Variants in PCCA observed in about 807,000 individuals in gnomAD.
PCCA encodes propionyl-CoA carboxylase subunit alpha.
PCCA carries 74 observed loss-of-function variants against 101.3 expected under a neutral mutation model. The ratio of observed to expected loss-of-function variants is 0.73; its 90% confidence interval spans 0.61 to 0.89. The LOEUF is 0.89. PCCA is among the 40% of genes least tolerant of loss of function. The pLI, the probability that PCCA is intolerant of heterozygous loss-of-function variation, is 0.00. For missense variants in PCCA, 891 were observed against 907.0 expected (o/e 0.98, Z 0.23); for synonymous variants, 294 against 313.6 (o/e 0.94, Z 0.66).
At position 100,367,645 on chromosome 13, in the gene PCCA, G is replaced by GT. The variant is rs548639518; in HGVS notation, c.1644-814dup. On this transcript the variant is annotated intron_variant, in intron 18 of 23. Transcript: ENST00000376285. ...ATAAAATAAGTATAGTTTTTTTTTT[G>GT]TTTTTTTTTTTTTGCAAAAAATAAT... Among the ~76,000 whole-genome samples, 761 of 125,646 alleles carry GT rather than the reference G, an allele frequency of 6.1e-3. 1 individual carries two copies. The highest frequency in any genetic ancestry group is 0.011 in the African/African-American group (383 of 35,078). 82.4% of individuals were successfully genotyped at this position (125,646 alleles called of 152,430 possible). A position where few individuals can be genotyped will look rare whatever the true frequency, so the allele number is the denominator to read the frequency against.
intron 12 of PCCA, among the ~76,000 whole-genome samples, chr13:100,287,891 A>G (rs1260426386): frequency 6.6e-6 from 1 of 152,168 alleles, no homozygotes; most frequent in African/African-American, 2.4e-5. Context: ...GGATTAAATA[A>G]GGTTACCCTT....
intron 6 of PCCA, among the ~76,000 whole-genome samples, chr13:100,186,603 G>A (rs2057288820): frequency 6.6e-6 from 1 of 151,920 alleles, no homozygotes; most frequent in Non-Finnish European, 1.5e-5. Context: ...TGGTTCAGGT[G>A]TGGTGGCACG....
Position 100,112,361 on chromosome 13 carries a change from T to C in PCCA, c.300+300T>C, listed in dbSNP as rs73570922. Among the ~76,000 whole-genome samples the C allele has an allele frequency of 0.16, 23,610 of 152,154 alleles. 2,564 individuals are homozygous for C. Among genetic ancestry groups the C allele is most frequent in the African/African-American group, 0.31 (12,792 of 41,460 alleles). ...TTGAGTCAAAGATTAATGAAATGTTTACACAGTGCTCCCTTATGAGAGCAC... is the reference window on the plus strand; with the variant it reads ...TTGAGTCAAAGATTAATGAAATGTTCACACAGTGCTCCCTTATGAGAGCAC... On this transcript the variant is annotated intron_variant, in intron 4 of 23. Transcript: ENST00000376285.
At chr13:100,148,048 G>A (rs1033072878) in intron 4 of PCCA, among the ~76,000 whole-genome samples, 2 of 152,024 alleles carry the variant, frequency 1.3e-5, no homozygotes, top group Non-Finnish European at 1.5e-5. Flanking sequence ...CTCCTAAGCC[G>A]TGGGGACTAC....
intron 12 of PCCA, among the ~76,000 whole-genome samples, chr13:100,279,717 A>G (rs1440669640): frequency 3.9e-5 from 6 of 152,028 alleles, no homozygotes; most frequent in Non-Finnish European, 4.4e-5. Context: ...CTCATGATCC[A>G]CCTGCATCGA....
chr13:100,266,763 CCA>C (rs1211871734), intron 10 of PCCA, among the ~76,000 whole-genome samples: 169 of 152,302 alleles, frequency 1.1e-3, no homozygotes, highest in Non-Finnish European at 1.5e-3. Flanking sequence ...TATTTCTCAA[CCA>C]GGGCACTACT....
intron 7 of PCCA, among the ~76,000 whole-genome samples, chr13:100,220,531 A>G (rs2059763685): frequency 6.7e-6 from 1 of 149,908 alleles, no homozygotes; most frequent in Non-Finnish European, 1.5e-5. Context: ...TCGGCCTCCC[A>G]AAGTGTTGGG....
intron 21 of PCCA, among the ~76,000 whole-genome samples, chr13:100,510,694 C>A (rs550669784): frequency 8.1e-4 from 123 of 152,256 alleles, no homozygotes; most frequent in Admixed American, 1.0e-3. Context: ...CACAACTGGG[C>A]GCTGATATAA....
chr13:100,112,208 C>T (rs940624193), intron 4 of PCCA, 147 bp downstream of exon 4: 12 of 653,246 alleles, frequency 1.8e-5, no homozygotes, highest in Non-Finnish European at 3.0e-5. Flanking sequence ...TTAAGCAAAA[C>T]GACAGTATCA....
At chr13:100,225,887 T>C (rs2060120193) in intron 7 of PCCA, among the ~76,000 whole-genome samples, 3 of 151,952 alleles carry the variant, frequency 2.0e-5, no homozygotes, top group African/African-American at 7.3e-5. Flanking sequence ...CACCTTCCGG[T>C]TTCAAGTGAT....
intron 4 of PCCA, among the ~76,000 whole-genome samples, chr13:100,153,037 CTT>C (rs977070243): frequency 4.6e-5 from 7 of 151,986 alleles, no homozygotes; most frequent in Non-Finnish European, 8.8e-5. Context: ...ATTAAGAAGA[CTT>C]TATGTAGGTG....
chr13:100,430,201 G>C (rs997561880), intron 20 of PCCA, among the ~76,000 whole-genome samples: 5 of 152,084 alleles, frequency 3.3e-5, no homozygotes, highest in African/African-American at 4.8e-5. Context: ...CTTGAACCCG[G>C]GTTGTGGTGA....
At chr13:100,432,462 G>T (rs907492702) in intron 20 of PCCA, among the ~76,000 whole-genome samples, 11 of 152,162 alleles carry the variant, frequency 7.2e-5, no homozygotes, top group African/African-American at 2.7e-4. Flanking sequence ...TTAGAAAAAC[G>T]TGTTTGTGAA....
chr13:100,517,090 T>TGTGTGTGTGTGTGTGTG (rs2086891825), intron 22 of PCCA, among the ~76,000 whole-genome samples: 1 of 146,630 alleles, frequency 6.8e-6, no homozygotes, highest in Non-Finnish European at 1.5e-5. Flanking sequence ...TGTGTGTGTG[T>TGTGTGTGTGTGTGTGTG]TTCAAGTAAG....
At chr13:100,526,041 C>T (rs975926606) in intron 22 of PCCA, among the ~76,000 whole-genome samples, 3 of 152,344 alleles carry the variant, frequency 2.0e-5, no homozygotes, top group South Asian at 2.1e-4. Flanking sequence ...TAAGAGGACA[C>T]GGCCAGGCTT....
At chr13:100,190,635 A>G (rs1174581750) in intron 6 of PCCA, among the ~76,000 whole-genome samples, 1 of 152,004 alleles carries the variant, frequency 6.6e-6, no homozygotes, top group Non-Finnish European at 1.5e-5. Context: ...AGATTGTGCT[A>G]TTGCACTCCA....
At chr13:100,282,584 G>T (rs1406513365) in intron 12 of PCCA, among the ~76,000 whole-genome samples, 8 of 152,228 alleles carry the variant, frequency 5.3e-5, no homozygotes, top group African/African-American at 1.9e-4. Flanking sequence ...AGCGGCTGTG[G>T]AGGTTGTACT....
chr13:100,366,018 T>C (rs2075124358), intron 18 of PCCA, among the ~76,000 whole-genome samples: 1 of 152,118 alleles, frequency 6.6e-6, no homozygotes, highest in African/African-American at 2.4e-5. Flanking sequence ...AAAAGGTGGG[T>C]TCTTACTTTT....
At chr13:100,200,650 A>G (rs1194349665) in intron 6 of PCCA, among the ~76,000 whole-genome samples, 1 of 150,352 alleles carries the variant, frequency 6.7e-6, no homozygotes, top group Non-Finnish European at 1.5e-5. Context: ...TATTAATAAA[A>G]TATATACCAT....
Sources: allele counts gnomAD v4.1 joint callset (sites outside exome capture counted in the v4.1 genomes callset), GRCh38; gene constraint gnomAD v4.1.1; transcripts MANE v1.5; gene names NCBI Gene and HGNC (gene_info 2026-07-23, HGNC 2026-07-21).